LYRM4: variants seen among roughly 807,000 people sequenced by gnomAD.
The protein encoded by LYRM4 is LYR motif containing 4.
Under a neutral mutation model 11.7 loss-of-function variants are expected in LYRM4, and 9 were observed. The ratio of observed to expected loss-of-function variants is 0.77; its 90% CI spans 0.46 to 1.34. The LOEUF is 1.34. Among genes scored for constraint, LYRM4 ranks in the 40% most tolerant of loss-of-function variants. The probability of loss-of-function intolerance (pLI) is 0.00; values close to 1 mark genes in which losing one functional copy is unlikely to be tolerated. For synonymous variants in LYRM4, 42 were observed against 40.4 expected (o/e 1.04, Z -0.15); for missense variants, 133 against 112.5 (o/e 1.18, Z -0.82).
intron 2 of LYRM4, among the ~76,000 whole-genome samples, chr6:5,216,413 A>G (rs544997350): frequency 6.6e-6 from 1 of 152,314 alleles, no homozygotes; most frequent in South Asian, 2.1e-4. Flanking sequence ...CTCCCTGGAA[A>G]TTCCGGAAAG....
the LYRM4 span, among the ~76,000 whole-genome samples, chr6:5,058,240 G>T: frequency 6.6e-6 from 1 of 152,172 alleles, no homozygotes; most frequent in Non-Finnish European, 1.5e-5. Flanking sequence ...GGGAGCCACT[G>T]CTTCTTTTTG....
chr6:5,080,376 G>T, the LYRM4 span, among the ~76,000 whole-genome samples: 2 of 152,222 alleles, frequency 1.3e-5, no homozygotes, highest in Non-Finnish European at 2.9e-5. Flanking sequence ...TGTGTTTCAT[G>T]ACCCTTGTCA....
At chr6:5,173,481 T>C (rs1241299404) in intron 2 of LYRM4, among the ~76,000 whole-genome samples, 2 of 152,238 alleles carry the variant, frequency 1.3e-5, no homozygotes, top group African/African-American at 2.4e-5. Context: ...ATAAGAGTTC[T>C]AAGAACAAAT....
chr6:5,247,078 G>A (rs533144367), intron 1 of LYRM4, among the ~76,000 whole-genome samples: 9 of 152,252 alleles, frequency 5.9e-5, no homozygotes, highest in South Asian at 4.1e-4. Context: ...AGGATTCTGC[G>A]GCCCACAGCG....
At chr6:5,034,299 A>C in the LYRM4 span, 1 of 152,220 alleles carries the variant, frequency 6.6e-6, no homozygotes, top group East Asian at 1.9e-4. Context: ...GTAGGTTGTG[A>C]AACTACAGAA....
At chr6:5,036,910 G>A in the LYRM4 span, among the ~76,000 whole-genome samples, 1 of 152,086 alleles carries the variant, frequency 6.6e-6, no homozygotes, top group African/African-American at 2.4e-5. Flanking sequence ...GAAGTTAGGA[G>A]GTCCTTCCTA....
chr6:5,215,040 T>TA (rs1762197462), intron 2 of LYRM4, among the ~76,000 whole-genome samples: 1 of 50,026 alleles, frequency 2.0e-5, no homozygotes, highest in Non-Finnish European at 4.8e-5. Flanking sequence ...CAGTTTAGTA[T>TA]TTTTTTTTTT....
chr6:5,177,403 C>G (rs10458084), intron 2 of LYRM4, among the ~76,000 whole-genome samples: 74,289 of 152,074 alleles, frequency 0.49, 18,241 homozygotes, highest in East Asian at 0.6. Flanking sequence ...ACTGGAAAGC[C>G]TACCCAGCTC....
At chr6:5,093,387 G>A in the LYRM4 span, among the ~76,000 whole-genome samples, 2 of 152,258 alleles carry the variant, frequency 1.3e-5, no homozygotes, top group Non-Finnish European at 2.9e-5. Flanking sequence ...TGACAGTGGA[G>A]GGGGATGGAA....
intron 2 of LYRM4, among the ~76,000 whole-genome samples, chr6:5,190,240 T>A (rs1054135189): frequency 2.0e-4 from 31 of 152,102 alleles, no homozygotes; most frequent in Admixed American, 1.4e-3. Flanking sequence ...CTTTTTTTTT[T>A]AATTTAAAAA....
intron 1 of LYRM4, 48 bp downstream of exon 1, chr6:5,260,600 C>T: frequency 8.4e-7 from 1 of 1,188,318 alleles, no homozygotes; most frequent in Non-Finnish European, 1.2e-6. Context: ...ACCCCCGGTC[C>T]CCGGCCCCTG....
At chr6:5,196,726 T>G (rs887214478) in intron 2 of LYRM4, among the ~76,000 whole-genome samples, 3 of 152,230 alleles carry the variant, frequency 2.0e-5, no homozygotes, top group Non-Finnish European at 4.4e-5. Context: ...ATTGGAATGA[T>G]TTGGTTCTTT....
At chr6:5,187,925 A>G (rs985339313) in intron 2 of LYRM4, among the ~76,000 whole-genome samples, 1 of 152,190 alleles carries the variant, frequency 6.6e-6, no homozygotes, top group African/African-American at 2.4e-5. Flanking sequence ...ATCTCTCTAA[A>G]TGCACGGGAA....
intron 2 of LYRM4, among the ~76,000 whole-genome samples, chr6:5,114,760 G>A (rs1459913935): frequency 6.6e-6 from 1 of 150,736 alleles, no homozygotes; most frequent in East Asian, 1.9e-4. Context: ...AAAAAAAATC[G>A]CAAAAAAAAA....
intron 2 of LYRM4, among the ~76,000 whole-genome samples, chr6:5,206,773 G>A (rs1761722065): frequency 6.6e-6 from 1 of 152,066 alleles, no homozygotes; most frequent in South Asian, 2.1e-4. Flanking sequence ...GTAAAATACT[G>A]ATTTAATTCC....
intron 2 of LYRM4, among the ~76,000 whole-genome samples, chr6:5,110,267 T>C (rs919379385): frequency 5.1e-5 from 6 of 117,984 alleles, no homozygotes; most frequent in African/African-American, 2.1e-4. Flanking sequence ...TTGGTCACTA[T>C]CTATGGGTAA....
the LYRM4 span, among the ~76,000 whole-genome samples, chr6:5,070,239 A>G: frequency 6.6e-6 from 1 of 152,272 alleles, no homozygotes; most frequent in South Asian, 2.1e-4. Context: ...ACTTACAAAG[A>G]CCAATTAGAC....
chr6:5,188,019 G>A (rs1760520020), intron 2 of LYRM4, among the ~76,000 whole-genome samples: 1 of 152,146 alleles, frequency 6.6e-6, no homozygotes, highest in African/African-American at 2.4e-5. Context: ...AAACTTTCCT[G>A]TTGCCTTTGA....
At chr6:5,068,702 G>A in the LYRM4 span, among the ~76,000 whole-genome samples, 1 of 151,866 alleles carries the variant, frequency 6.6e-6, no homozygotes. The surrounding 1 kb of genome is among the most constrained non-coding windows in gnomAD (Gnocchi z 4.0). Context: ...GGGAGTCTGG[G>A]GAAAAAACGG....
Sources: gnomAD v4.1 joint callset for allele counts (sites outside exome capture counted in the v4.1 genomes callset) on GRCh38, gnomAD v4.1.1 for gene constraint, Gnocchi (gnomAD v3.1) non-coding constraint, MANE v1.5 for transcripts, NCBI Gene and HGNC (gene_info 2026-07-23, HGNC 2026-07-21) for gene names.